MEP1A: variants seen among roughly 807,000 people sequenced by gnomAD.
MEP1A encodes the protein N-benzoyl-L-tyrosyl-P-amino-benzoic acid hydrolase subunit alpha.
MEP1A carries 68 observed loss-of-function variants against 84.5 expected under a neutral mutation model. The ratio of observed to expected loss-of-function variants is 0.80; its 90% CI spans 0.66 to 0.98. The LOEUF (loss-of-function observed/expected upper bound fraction) is 0.98, where lower values mean the gene tolerates loss of function less well. Among genes scored for constraint, MEP1A ranks in the 50% least tolerant of loss-of-function variants. The probability of loss-of-function intolerance (pLI) is 0.00; values close to 1 mark genes in which losing one functional copy is unlikely to be tolerated. For missense variants in MEP1A, 887 were observed against 919.9 expected (o/e 0.96, Z 0.46); for synonymous variants, 337 against 336.8 (o/e 1.00, Z -0.01).
rs1262176143 is a variant in MEP1A, at chr6:46,798,700, G to A, written c.186+54G>A. On this transcript the variant is annotated intron_variant, in intron 4 of 13. Coordinates refer to ENST00000230588, the MANE Select transcript of MEP1A (RefSeq NM_005588.3). ...TTCTCAGGACAGGCAGTACCACTGG[G>A]TGTGAGTCTCTGCTCTGCGGCCAGC... is the stretch of plus-strand genomic sequence containing the variant. The A allele has an allele frequency of 2.7e-6, 4 of 1,472,754 alleles. No homozygotes were observed. The East Asian group carries it at 9.0e-5, about 33-fold the overall frequency. 91.2% of individuals were successfully genotyped at this position (1,472,754 alleles called of 1,614,324 possible). A position where few individuals can be genotyped will look rare whatever the true frequency, so the allele number is the denominator to read the frequency against.
Position 46,833,649 on chromosome 6 carries a change from A to G in MEP1A, c.1609+111A>G, listed in dbSNP as rs1581689094. On this transcript the variant is annotated intron_variant, in intron 11 of 13. Transcript: ENST00000230588. ...TTCTCCTCACATTGTCTGTTTGGGA[A>G]TACCAATAACATAGTCTTGTTGGAG... 2.8e-5 allele frequency: 22 copies of G among 784,912 alleles called. No homozygotes were observed. The East Asian group carries it at 5.5e-4, about 19-fold the overall frequency. The allele number at this position is 784,912 out of a possible 1,614,324, so 48.6% of individuals were successfully genotyped here.
chr6:46,837,895 A>G (rs1158410382), intron 13 of MEP1A, among the ~76,000 whole-genome samples: 1 of 143,620 alleles, frequency 7.0e-6, no homozygotes, highest in Non-Finnish European at 1.5e-5. Flanking sequence ...CTGACTTCTT[A>G]TTTTTTTTTT....
intron 5 of MEP1A, among the ~76,000 whole-genome samples, chr6:46,807,008 A>G (rs1767341115): frequency 6.6e-6 from 1 of 151,940 alleles, no homozygotes; most frequent in African/African-American, 2.4e-5. Flanking sequence ...TTTCAAGTTT[A>G]CAACTGTTAT....
intron 2 of MEP1A, 21 bp from the exon 3 acceptor site, chr6:46,793,645 T>A (rs1207558508): frequency 6.3e-7 from 1 of 1,595,268 alleles, no homozygotes; most frequent in South Asian, 1.1e-5. Flanking sequence ...TAATAATAAT[T>A]TTTTTTCTCA....
chr6:46,807,779 G>GAA (rs1182217072), intron 5 of MEP1A, among the ~76,000 whole-genome samples: 8 of 59,152 alleles, frequency 1.4e-4, no homozygotes, highest in African/African-American at 4.1e-4. Flanking sequence ...AGGAAAGAAA[G>GAA]AAAGAAAGAA....
At chr6:46,798,555 T>C in intron 3 of MEP1A, 51 bp from the exon 4 acceptor site, 1 of 1,439,460 alleles carries the variant, frequency 6.9e-7, no homozygotes, top group Non-Finnish European at 9.8e-7. Context: ...AAGATGCCTT[T>C]TAATAATGTT....
In MEP1A at chr6:46,817,433, A is replaced by G. The variant is rs1767666530; in HGVS notation, c.381-2096A>G. Reference sequence around the variant, plus strand: ...ATTTTTCTGTAAAGGGGAAACATTTAAAGTATATCTCAGGCCTTGCAAAGA... The same window carrying G: ...ATTTTTCTGTAAAGGGGAAACATTTGAAGTATATCTCAGGCCTTGCAAAGA... On this transcript the variant is annotated intron_variant, in intron 6 of 13. Coordinates refer to ENST00000230588, the MANE Select transcript of MEP1A (RefSeq NM_005588.3). Among the ~76,000 whole-genome samples, 5 of 152,320 alleles carry G rather than the reference A, an allele frequency of 3.3e-5. No homozygotes were observed. The South Asian group carries it at 1.0e-3, about 32-fold the overall frequency.
At chr6:46,823,468 C>T (rs946777071) in intron 7 of MEP1A, among the ~76,000 whole-genome samples, 1 of 152,142 alleles carries the variant, frequency 6.6e-6, no homozygotes, top group African/African-American at 2.4e-5. Flanking sequence ...AACAATTAGC[C>T]AGGCGTGGTG....
intron 1 of MEP1A, 37 bp from the exon 2 acceptor site, chr6:46,793,515 A>G: frequency 2.5e-6 from 4 of 1,579,376 alleles, no homozygotes; most frequent in Non-Finnish European, 3.5e-6. Context: ...TAATTCTAGT[A>G]TACATTATCC....
chr6:46,820,447 A>G (rs997584203), intron 7 of MEP1A, among the ~76,000 whole-genome samples: 3 of 152,050 alleles, frequency 2.0e-5, no homozygotes, highest in Admixed American at 1.3e-4. Context: ...CTGGAGTGCA[A>G]TGGTGCGATC....
At chr6:46,830,301 T>C (rs1385208676) in intron 10 of MEP1A, among the ~76,000 whole-genome samples, 1 of 148,142 alleles carries the variant, frequency 6.8e-6, no homozygotes, top group Non-Finnish European at 1.5e-5. Context: ...GTGTTTTGCA[T>C]CTGTTTCAGA....
At chr6:46,801,732 A>G (rs1562104234) in intron 5 of MEP1A, among the ~76,000 whole-genome samples, 3 of 152,078 alleles carry the variant, frequency 2.0e-5, no homozygotes, top group Admixed American at 1.3e-4. Flanking sequence ...TTGAAGTTGT[A>G]TGGTTTCAAT....
downstream of MEP1A, among the ~76,000 whole-genome samples, chr6:46,842,362 G>A (rs1196131653): frequency 4.6e-5 from 7 of 152,178 alleles, no homozygotes; most frequent in African/African-American, 1.4e-4. Context: ...ATGCAAATAG[G>A]AGAGATATCG....
At chr6:46,820,218 G>A (rs1767735140) in intron 7 of MEP1A, among the ~76,000 whole-genome samples, 1 of 152,148 alleles carries the variant, frequency 6.6e-6, no homozygotes, top group Admixed American at 6.5e-5. Context: ...CCCCAATTAT[G>A]TTAATTCTAG....
At chr6:46,840,383 G>T (rs1421395125), downstream of MEP1A, among the ~76,000 whole-genome samples, 1 of 152,126 alleles carries the variant, frequency 6.6e-6, no homozygotes, top group Non-Finnish European at 1.5e-5. Context: ...TAGATCTAGG[G>T]TGGGATCTAA....
At chr6:46,824,666 T>G (rs1178360793) in intron 7 of MEP1A, among the ~76,000 whole-genome samples, 1 of 131,042 alleles carries the variant, frequency 7.6e-6, no homozygotes, top group Non-Finnish European at 1.5e-5. Context: ...TATAATGTAT[T>G]TAAATAGATG....
chr6:46,843,171 G>T (rs773329292), downstream of MEP1A, among the ~76,000 whole-genome samples: 5 of 152,184 alleles, frequency 3.3e-5, no homozygotes, highest in Admixed American at 1.3e-4. Context: ...TCTGCATTGT[G>T]ATATGTTTAG....
At position 46,829,358 on chromosome 6, in the gene MEP1A, G is replaced by T. The variant is rs759538882; in HGVS notation, c.931G>T (p.Ala311Ser). The T allele has an allele frequency of 3.7e-6, 6 of 1,612,954 alleles. No individual in the cohort carries two copies. The South Asian group carries it at 6.6e-5, about 18-fold the overall frequency. ...ATGTTTGGCTGCTCTTTCCATAGGT[G>T]CCGGCTACTTCATGCAGTTCAGCAC... Reference protein sequence around the residue: ...DHTLLGQCTGAGYFMQFSTSS... With the variant: ...DHTLLGQCTGSGYFMQFSTSS... Residue 311 changes from alanine (A) to serine (S), a missense_variant and splice_region_variant, in exon 10 of 14, where the codon GCC (alanine) becomes TCC (serine). Ala to Ser is a moderately conservative substitution (Grantham distance 99). Transcript: ENST00000230588.
chr6:46,825,068 A>AG (rs1767901760), intron 7 of MEP1A, among the ~76,000 whole-genome samples: 1 of 83,482 alleles, frequency 1.2e-5, no homozygotes, highest in African/African-American at 3.7e-5. Context: ...GTATTTAAAT[A>AG]AATCTATTTA....
Sources: gnomAD v4.1 joint callset for allele counts (sites outside exome capture counted in the v4.1 genomes callset) on GRCh38, gnomAD v4.1.1 for gene constraint, MANE v1.5 for transcripts, NCBI Gene and HGNC (gene_info 2026-07-23, HGNC 2026-07-21) for gene names.